Variants in PID1 observed in about 807,000 individuals in gnomAD.
PID1 encodes the protein PTB-containing, cubilin and LRP1-interacting protein.
In PID1, 10 loss-of-function variants were observed where a neutral mutation model predicts 19.1. The observed-to-expected ratio is 0.52, with a 90% CI of 0.32 to 0.89. The LOEUF (loss-of-function observed/expected upper bound fraction) is 0.89, where lower values mean the gene tolerates loss of function less well. PID1 is among the 40% of genes least tolerant of loss of function. The pLI, the probability that PID1 is intolerant of heterozygous loss-of-function variation, is 0.03. For missense variants in PID1, 248 were observed against 285.3 expected (o/e 0.87, Z 0.94); for synonymous variants, 130 against 116.0 (o/e 1.12, Z -0.78).
At chr2:229,098,793 A>G (rs1486879965) in intron 2 of PID1, among the ~76,000 whole-genome samples, 1 of 152,190 alleles carries the variant, frequency 6.6e-6, no homozygotes, top group Non-Finnish European at 1.5e-5. Flanking sequence ...CACAGATTTC[A>G]TGTTCAGAGC....
At chr2:229,150,440 G>A (rs1470987635) in intron 2 of PID1, among the ~76,000 whole-genome samples, 1 of 152,050 alleles carries the variant, frequency 6.6e-6, no homozygotes, top group Non-Finnish European at 1.5e-5. Context: ...AGACAGCGAT[G>A]TACTCTCCCA....
At chr2:229,190,753 T>TTTTG (rs148814869) in intron 1 of PID1, among the ~76,000 whole-genome samples, 2,257 of 152,254 alleles carry the variant, frequency 0.015, 61 homozygotes, top group African/African-American at 0.052. Flanking sequence ...TTCTATTGTT[T>TTTTG]TTTGTTTGTT....
At chr2:229,081,311 A>G (rs1270170072) in intron 2 of PID1, among the ~76,000 whole-genome samples, 2 of 152,248 alleles carry the variant, frequency 1.3e-5, no homozygotes, top group Non-Finnish European at 2.9e-5. Flanking sequence ...ATGCTTAAGA[A>G]GCTTGGACTC....
intron 1 of PID1, among the ~76,000 whole-genome samples, chr2:229,257,894 T>C (rs1270448583): frequency 6.6e-6 from 1 of 152,214 alleles, no homozygotes; most frequent in Non-Finnish European, 1.5e-5. Flanking sequence ...CTACGTCTGC[T>C]ACACACATTA....
In PID1 at chr2:229,190,346, C is replaced by G. The variant is rs527843359; in HGVS notation, c.31-34382G>C. Among the ~76,000 whole-genome samples, 3 of 152,332 alleles carry G rather than the reference C, an allele frequency of 2.0e-5. No individual in the cohort carries two copies. In the East Asian group the frequency reaches 5.8e-4, roughly 29 times the overall value. Reference sequence around the variant, plus strand: ...ATGATAGAGTTGAACCAGCCCCGAGCTATACCCCAGGCTGCAGGAGGGGCA... The same window carrying G: ...ATGATAGAGTTGAACCAGCCCCGAGGTATACCCCAGGCTGCAGGAGGGGCA... On this transcript the variant is annotated intron_variant, in intron 1 of 2. Coordinates refer to ENST00000392055, the MANE Select transcript of PID1 (RefSeq NM_001100818.2).
chr2:229,106,654 CT>C (rs1253963657), intron 2 of PID1, among the ~76,000 whole-genome samples: 1 of 152,196 alleles, frequency 6.6e-6, no homozygotes, highest in Non-Finnish European at 1.5e-5. Flanking sequence ...GACAGCAATC[CT>C]TTATCAGACA....
intron 1 of PID1, among the ~76,000 whole-genome samples, chr2:229,215,132 T>C (rs969078117): frequency 6.6e-6 from 1 of 152,220 alleles, no homozygotes; most frequent in African/African-American, 2.4e-5. Context: ...ATAGGCTTTA[T>C]CCTACTTTTT....
chr2:229,128,252 T>C (rs1213656345), intron 2 of PID1, among the ~76,000 whole-genome samples: 1 of 152,184 alleles, frequency 6.6e-6, no homozygotes, highest in African/African-American at 2.4e-5. Flanking sequence ...TTATTCCAAG[T>C]ATAATCCAAT....
intron 1 of PID1, among the ~76,000 whole-genome samples, chr2:229,220,253 AT>A: frequency 6.6e-6 from 1 of 152,074 alleles, no homozygotes; most frequent in Non-Finnish European, 1.5e-5. Context: ...TTTAAACCTC[AT>A]TTACAGAGAA....
At chr2:229,028,679 G>A (rs750495404) in intron 2 of PID1, among the ~76,000 whole-genome samples, 26 of 152,124 alleles carry the variant, frequency 1.7e-4, no homozygotes, top group Admixed American at 2.6e-4. Context: ...TAAATACTAC[G>A]CAGCCATGAA....
chr2:229,270,305 GTTC>G (rs1202436704), intron 1 of PID1, among the ~76,000 whole-genome samples: 1 of 152,214 alleles, frequency 6.6e-6, no homozygotes, highest in Admixed American at 6.5e-5. Context: ...CACTGAAGGA[GTTC>G]TTCTGGGAAA....
intron 1 of PID1, among the ~76,000 whole-genome samples, chr2:229,191,662 T>A (rs1414370931): frequency 6.6e-6 from 1 of 152,172 alleles, no homozygotes; most frequent in African/African-American, 2.4e-5. Flanking sequence ...TCAACAAAAA[T>A]TAACAGGTTC....
chr2:229,165,519 G>T (rs1690579274), intron 1 of PID1, among the ~76,000 whole-genome samples: 1 of 151,998 alleles, frequency 6.6e-6, no homozygotes, highest in African/African-American at 2.4e-5. Context: ...GTTCCAGGCT[G>T]CAGTGAGCTA....
rs527255735 is a variant in PID1, at chr2:229,103,155, G to C, written c.177+52663C>G. On this transcript the variant is annotated intron_variant, in intron 2 of 2. Coordinates refer to ENST00000392055, the MANE Select transcript of PID1 (RefSeq NM_001100818.2). The stretch of plus-strand genomic sequence containing the variant: ...TTTTTTAAAAAGTCTTTAGGTGTGG[G>C]AGAAACTTCGGGTGCCCACCAACAT... Among the ~76,000 whole-genome samples the C allele has an allele frequency of 9.2e-5, 14 of 152,258 alleles. 1 individual carries two copies. In the South Asian group the frequency reaches 2.7e-3, roughly 29 times the overall value.
chr2:229,240,638 A>G (rs779655820), intron 1 of PID1, among the ~76,000 whole-genome samples: 5 of 152,044 alleles, frequency 3.3e-5, no homozygotes, highest in Non-Finnish European at 5.9e-5. Flanking sequence ...TGATTACCTC[A>G]TTGCTTTGAC....
intron 1 of PID1, among the ~76,000 whole-genome samples, chr2:229,246,249 T>A (rs1460979664): frequency 6.6e-6 from 1 of 152,206 alleles, no homozygotes; most frequent in Non-Finnish European, 1.5e-5. Flanking sequence ...AAGGAAATGA[T>A]GCTTCAAACT....
chr2:229,137,804 G>C (rs1318296090), intron 2 of PID1, among the ~76,000 whole-genome samples: 2 of 152,154 alleles, frequency 1.3e-5, no homozygotes, highest in African/African-American at 2.4e-5. Context: ...CACTTTGCTT[G>C]GCTAATTTTT....
chr2:229,232,514 G>T (rs1692232377), intron 1 of PID1, among the ~76,000 whole-genome samples: 1 of 150,178 alleles, frequency 6.7e-6, no homozygotes, highest in Non-Finnish European at 1.5e-5. Flanking sequence ...ATTTTGGAGG[G>T]GACACATTTA....
chr2:229,043,873 C>T (rs1693822279), intron 2 of PID1, among the ~76,000 whole-genome samples: 1 of 152,054 alleles, frequency 6.6e-6, no homozygotes, highest in Non-Finnish European at 1.5e-5. Context: ...GACCTGTGAA[C>T]CACATTAGAA....
Sources: gnomAD v4.1 joint callset for allele counts (sites outside exome capture counted in the v4.1 genomes callset) on GRCh38, gnomAD v4.1.1 for gene constraint, MANE v1.5 for transcripts, NCBI Gene and HGNC (gene_info 2026-07-23, HGNC 2026-07-21) for gene names.